The following RNFT2 variants were observed in gnomAD, a reference collection of about 807,000 sequenced individuals.
The protein encoded by RNFT2 is E3 ubiquitin-protein ligase RNFT2.
A neutral mutation model predicts 53.0 loss-of-function variants in RNFT2; 36 were observed. The observed-to-expected ratio is 0.68, with a 90% CI of 0.52 to 0.90. The LOEUF (loss-of-function observed/expected upper bound fraction) is 0.90. Ranked by LOEUF, RNFT2 falls within the 40% of genes least tolerant of loss-of-function variation. RNFT2 has a pLI of 0.00. For missense variants in RNFT2, 514 were observed against 585.6 expected (o/e 0.88, Z 1.26); for synonymous variants, 260 against 253.2 (o/e 1.03, Z -0.26).
intron 6 of RNFT2, among the ~76,000 whole-genome samples, chr12:116,768,361 A>G (rs1421079833): frequency 6.6e-6 from 1 of 152,096 alleles, no homozygotes; most frequent in Non-Finnish European, 1.5e-5. Context: ...TTGGCCTCCC[A>G]AAGTGCTGGG....
At chr12:116,806,381 AATAT>A (rs1250359544) in intron 7 of RNFT2, among the ~76,000 whole-genome samples, 14 of 133,478 alleles carry the variant, frequency 1.0e-4, no homozygotes, top group African/African-American at 4.5e-4. Context: ...AAAAAAAAAA[AATAT>A]ATATATATAT....
intron 4 of RNFT2, among the ~76,000 whole-genome samples, chr12:116,753,073 T>C (rs1872322191): frequency 6.7e-6 from 1 of 149,560 alleles, no homozygotes. Flanking sequence ...TTAGCTGGGA[T>C]TTTTTTTTCT....
At chr12:116,750,842 T>C (rs28605918) in intron 4 of RNFT2, among the ~76,000 whole-genome samples, 144 of 2,098 alleles carry the variant, frequency 0.069, 7 homozygotes, top group African/African-American at 0.15. Context: ...ATATATATTA[T>C]ATATATATAA....
intron 7 of RNFT2, among the ~76,000 whole-genome samples, chr12:116,811,601 C>T (rs1357262667): frequency 2.6e-5 from 4 of 152,204 alleles, no homozygotes; most frequent in African/African-American, 9.6e-5. Flanking sequence ...ATCTTAAACT[C>T]CTGACCTCAA....
At chr12:116,752,670 G>C (rs2137077803) in intron 4 of RNFT2, among the ~76,000 whole-genome samples, 1 of 152,236 alleles carries the variant, frequency 6.6e-6, no homozygotes, top group East Asian at 1.9e-4. Flanking sequence ...TTGAGGTCAG[G>C]AATTCGAGAC....
chr12:116,843,567 A>G (rs1332260072), intron 10 of RNFT2, among the ~76,000 whole-genome samples: 1 of 144,580 alleles, frequency 6.9e-6, no homozygotes, highest in Non-Finnish European at 1.5e-5. Flanking sequence ...TGCCTTCCCC[A>G]CTGCCCATCA....
intron 6 of RNFT2, among the ~76,000 whole-genome samples, chr12:116,769,300 G>T (rs898781380): frequency 5.9e-5 from 9 of 152,186 alleles, no homozygotes; most frequent in Admixed American, 5.2e-4. Context: ...AGAGGTTGCA[G>T]TGAGCCGTGA....
At chr12:116,778,468 T>A (rs1873538037) in intron 6 of RNFT2, among the ~76,000 whole-genome samples, 1 of 152,208 alleles carries the variant, frequency 6.6e-6, no homozygotes, top group Non-Finnish European at 1.5e-5. Flanking sequence ...TTCTCCTTCA[T>A]GTTATGATGC....
rs1878005709 is a variant in RNFT2, at chr12:116,853,087, T to TG, written c.*3645dup. On this transcript the variant is annotated 3_prime_UTR_variant, in exon 11 of 11. Coordinates refer to ENST00000257575, the MANE Select transcript of RNFT2 (RefSeq NM_001382266.1). ...GTCCCATCTGAGGTTTTCTTCTCGG[T>TG]GGGGGGATTTAACTTCTGTCCTAGG... 4.7e-6 allele frequency: 2 copies of TG among 424,232 alleles called. No homozygotes were observed. The highest frequency in any genetic ancestry group is 4.0e-5 in the African/African-American group (2 of 49,394). 26.3% of individuals were successfully genotyped at this position (424,232 alleles called of 1,614,324 possible). A position where few individuals can be genotyped will look rare whatever the true frequency, so the allele number is the denominator to read the frequency against.
At chr12:116,831,504 G>A (rs1163933777) in intron 7 of RNFT2, among the ~76,000 whole-genome samples, 1 of 151,606 alleles carries the variant, frequency 6.6e-6, no homozygotes, top group Non-Finnish European at 1.5e-5. Context: ...AACATAATCA[G>A]ACCCTCTTTT....
chr12:116,832,148 A>AATATATATATATATATATATAT (rs1555209703), intron 7 of RNFT2, among the ~76,000 whole-genome samples: 4 of 55,170 alleles, frequency 7.3e-5, no homozygotes, highest in African/African-American at 1.4e-4. Flanking sequence ...AAAAAAAAAA[A>AATATATATATATATATATATAT]ATATATATAT....
At position 116,852,331 on chromosome 12, in the gene RNFT2, G is replaced by C; in HGVS notation, c.*2883G>C. ...TAACATGTCCCCTTCCCCCTGCCCCGCCGTAGATTCAGGACATTTGCCCCT... is the reference window on the plus strand; with the variant it reads ...TAACATGTCCCCTTCCCCCTGCCCCCCCGTAGATTCAGGACATTTGCCCCT... On this transcript the variant is annotated 3_prime_UTR_variant, in exon 11 of 11. Coordinates refer to ENST00000257575, the MANE Select transcript of RNFT2 (RefSeq NM_001382266.1). 1 of 1,257,818 alleles carries C rather than the reference G, an allele frequency of 8.0e-7. No individual in the cohort carries two copies. 77.9% of individuals were successfully genotyped at this position (1,257,818 alleles called of 1,614,324 possible). A position where few individuals can be genotyped will look rare whatever the true frequency, so the allele number is the denominator to read the frequency against.
chr12:116,844,293 C>T (rs1266340358), intron 10 of RNFT2, among the ~76,000 whole-genome samples: 4 of 152,116 alleles, frequency 2.6e-5, no homozygotes, highest in African/African-American at 7.2e-5. Flanking sequence ...TGTAGTGGCA[C>T]GATCTTAGCT....
At chr12:116,740,688 G>C in intron 2 of RNFT2, 167 bp downstream of exon 2, 1 of 688,146 alleles carries the variant, frequency 1.5e-6, no homozygotes, top group South Asian at 1.7e-5. Context: ...GTTAGCAGCA[G>C]CATCAACCCA....
chr12:116,785,133 C>A (rs1378888283), intron 7 of RNFT2, among the ~76,000 whole-genome samples: 1 of 152,034 alleles, frequency 6.6e-6, no homozygotes, highest in African/African-American at 2.4e-5. Flanking sequence ...CTTGCACATG[C>A]CCTTCAGACC....
At chr12:116,829,003 T>TG (rs1876494122) in intron 7 of RNFT2, among the ~76,000 whole-genome samples, 1 of 147,440 alleles carries the variant, frequency 6.8e-6, no homozygotes, top group Admixed American at 6.7e-5. Context: ...ATGTTTTAAG[T>TG]GGAAAAAAAA....
At chr12:116,772,592 A>AT (rs1338783693) in intron 6 of RNFT2, among the ~76,000 whole-genome samples, 2 of 152,128 alleles carry the variant, frequency 1.3e-5, no homozygotes, top group Non-Finnish European at 1.5e-5. Flanking sequence ...GGTGTGAGCC[A>AT]TTGCGCCCAG....
chr12:116,743,391 C>T (rs562386016), intron 3 of RNFT2, among the ~76,000 whole-genome samples: 116 of 151,748 alleles, frequency 7.6e-4, no homozygotes, highest in Middle Eastern at 3.4e-3. Context: ...CTCTGTCTCC[C>T]GAGTAGTTGG....
intron 5 of RNFT2, among the ~76,000 whole-genome samples, chr12:116,766,004 A>T (rs1402559148): frequency 1.3e-5 from 2 of 152,146 alleles, no homozygotes; most frequent in Non-Finnish European, 2.9e-5. Context: ...TAAAAATTTG[A>T]CTTTTGCCTG....
Sources: allele counts gnomAD v4.1 joint callset (sites outside exome capture counted in the v4.1 genomes callset), GRCh38; gene constraint gnomAD v4.1.1; transcripts MANE v1.5; gene names NCBI Gene and HGNC (gene_info 2026-07-23, HGNC 2026-07-21).